KCNIP4: variants seen among roughly 807,000 people sequenced by gnomAD.
The protein encoded by KCNIP4 is Kv channel-interacting protein 4.
Under a neutral mutation model 34.0 loss-of-function variants are expected in KCNIP4, and 12 were observed. The ratio of observed to expected loss-of-function variants is 0.35; its 90% CI spans 0.23 to 0.57. The LOEUF is 0.57. Among genes scored for constraint, KCNIP4 ranks in the 20% least tolerant of loss-of-function variants. The probability of loss-of-function intolerance (pLI) is 0.83; values close to 1 mark genes in which losing one functional copy is unlikely to be tolerated. For missense variants in KCNIP4, 238 were observed against 311.7 expected (o/e 0.76, Z 1.78); for synonymous variants, 124 against 102.2 (o/e 1.21, Z -1.29).
chr4:21,421,241 T>TATC (rs1293395227), intron 1 of KCNIP4, among the ~76,000 whole-genome samples: 4 of 152,152 alleles, frequency 2.6e-5, no homozygotes, highest in African/African-American at 9.7e-5. Context: ...AAAATAGAAC[T>TATC]ATCACATGAT....
chr4:21,256,443 A>G (rs1489624613), intron 1 of KCNIP4, among the ~76,000 whole-genome samples: 1 of 151,256 alleles, frequency 6.6e-6, no homozygotes, highest in East Asian at 1.9e-4. Flanking sequence ...AAAAGGACAA[A>G]GACAAAGAAA....
At chr4:20,740,229 A>C (rs1750738966) in intron 5 of KCNIP4, among the ~76,000 whole-genome samples, 1 of 152,156 alleles carries the variant, frequency 6.6e-6, no homozygotes, top group Non-Finnish European at 1.5e-5. Context: ...CAGGAAATAC[A>C]GAGAATGCCA....
At chr4:21,109,054 G>A (rs1237805009) in intron 1 of KCNIP4, among the ~76,000 whole-genome samples, 39 of 152,150 alleles carry the variant, frequency 2.6e-4, no homozygotes, top group Non-Finnish European at 4.7e-4. Flanking sequence ...CAGGGGTCAG[G>A]GACCCACTTG....
intron 1 of KCNIP4, among the ~76,000 whole-genome samples, chr4:21,524,937 C>T (rs961417183): frequency 5.9e-5 from 9 of 152,142 alleles, no homozygotes; most frequent in Admixed American, 5.9e-4. Flanking sequence ...AAAGAAGTCA[C>T]TTTGCTATGT....
At chr4:20,864,302 A>G (rs551396600) in intron 2 of KCNIP4, among the ~76,000 whole-genome samples, 73 of 151,626 alleles carry the variant, frequency 4.8e-4, no homozygotes, top group African/African-American at 1.7e-3. Context: ...ACACATATGT[A>G]TGCATATATA....
intron 1 of KCNIP4, among the ~76,000 whole-genome samples, chr4:21,012,731 C>A (rs1252522069): frequency 6.6e-6 from 1 of 152,142 alleles, no homozygotes; most frequent in Non-Finnish European, 1.5e-5. Context: ...TTGTAGATCA[C>A]CTAGGAAGTA....
intron 1 of KCNIP4, among the ~76,000 whole-genome samples, chr4:21,678,698 A>G (rs1279287220): frequency 6.6e-6 from 1 of 152,122 alleles, no homozygotes; most frequent in Non-Finnish European, 1.5e-5. Flanking sequence ...GTGTTCCCAG[A>G]TATTTCTATG....
At chr4:21,765,318 T>G (rs1359865757) in intron 1 of KCNIP4, among the ~76,000 whole-genome samples, 1 of 151,704 alleles carries the variant, frequency 6.6e-6, no homozygotes. Context: ...TTTGTTTTAT[T>G]GGGCCACTGG....
At chr4:21,121,879 T>G (rs1750187161) in intron 1 of KCNIP4, among the ~76,000 whole-genome samples, 1 of 152,214 alleles carries the variant, frequency 6.6e-6, no homozygotes, top group Non-Finnish European at 1.5e-5. Flanking sequence ...TTGGCCTCTG[T>G]CAGCTTCAGA....
At chr4:20,956,689 T>G (rs1263946773) in intron 1 of KCNIP4, among the ~76,000 whole-genome samples, 1 of 152,148 alleles carries the variant, frequency 6.6e-6, no homozygotes, top group East Asian at 1.9e-4. Flanking sequence ...GTATTCTAAA[T>G]CTTTTTATGA....
At chr4:21,703,481 C>T (rs1713024981) in intron 1 of KCNIP4, among the ~76,000 whole-genome samples, 1 of 152,142 alleles carries the variant, frequency 6.6e-6, no homozygotes, top group Non-Finnish European at 1.5e-5. Flanking sequence ...CCAAACACCA[C>T]ATGTTCTCAC....
At chr4:21,346,790 G>A (rs917795055) in intron 1 of KCNIP4, among the ~76,000 whole-genome samples, 2 of 151,968 alleles carry the variant, frequency 1.3e-5, no homozygotes, top group South Asian at 2.1e-4. Flanking sequence ...CAGACCACAC[G>A]TACAACAGCA....
At chr4:21,444,893 A>G (rs1727839206) in intron 1 of KCNIP4, among the ~76,000 whole-genome samples, 2 of 152,224 alleles carry the variant, frequency 1.3e-5, no homozygotes, top group African/African-American at 2.4e-5. Context: ...TCTCAGCCCC[A>G]AATCTCCTTA....
intron 1 of KCNIP4, among the ~76,000 whole-genome samples, chr4:21,344,420 T>A (rs562129442): frequency 6.6e-6 from 1 of 152,114 alleles, no homozygotes; most frequent in Non-Finnish European, 1.5e-5. Flanking sequence ...CATTATTTCA[T>A]AGGATTTGCA....
intron 1 of KCNIP4, among the ~76,000 whole-genome samples, chr4:21,345,551 T>A (rs1717209644): frequency 6.6e-6 from 1 of 152,052 alleles, no homozygotes; most frequent in African/African-American, 2.4e-5. Context: ...ACAGAAAAAC[T>A]TTGTCCTACT....
Position 20,757,438 on chromosome 4 carries a change from T to C in KCNIP4, c.358+1383A>G, listed in dbSNP as rs568177152. Among the ~76,000 whole-genome samples the C allele has an allele frequency of 1.3e-4, 20 of 152,256 alleles. No individual in the cohort carries two copies. In the East Asian group the frequency reaches 2.9e-3, roughly 22 times the overall value. ...CTGTAAAAGATCCCACTTAAACTTA[T>C]CAGTGGCTTTGCATCACCTCAAGGA... On this transcript the variant is annotated intron_variant, in intron 4 of 8. Coordinates refer to ENST00000382152, the MANE Select transcript of KCNIP4 (RefSeq NM_025221.6).
intron 1 of KCNIP4, among the ~76,000 whole-genome samples, chr4:21,455,822 T>TGTTCTCACATAGCCAAATAAGTTATTCC (rs757485848): frequency 1.8e-5 from 1 of 54,434 alleles, no homozygotes; most frequent in African/African-American, 6.5e-5. Flanking sequence ...TATATATATA[T>TGTTCTCACATAGCCAAATAAGTTATTCC]ATATATATAT....
At chr4:20,913,424 T>C (rs1439522968) in intron 1 of KCNIP4, among the ~76,000 whole-genome samples, 1 of 152,128 alleles carries the variant, frequency 6.6e-6, no homozygotes, top group African/African-American at 2.4e-5. Flanking sequence ...ATGGGGTTTC[T>C]TTTGGGGTGA....
chr4:20,763,029 T>C (rs1366030751), intron 3 of KCNIP4, among the ~76,000 whole-genome samples: 1 of 152,096 alleles, frequency 6.6e-6, no homozygotes, highest in Non-Finnish European at 1.5e-5. Flanking sequence ...CTCACCCACT[T>C]ATCACGAGAA....
Sources: gnomAD v4.1 joint callset for allele counts (sites outside exome capture counted in the v4.1 genomes callset) on GRCh38, gnomAD v4.1.1 for gene constraint, MANE v1.5 for transcripts, NCBI Gene and HGNC (gene_info 2026-07-23, HGNC 2026-07-21) for gene names.